Variants in RARB observed in about 807,000 individuals in gnomAD.
RARB encodes the protein HBV-activated protein.
A neutral mutation model predicts 51.9 loss-of-function variants in RARB; 17 were observed. The ratio of observed to expected loss-of-function variants is 0.33; its 90% CI spans 0.22 to 0.49. The LOEUF (loss-of-function observed/expected upper bound fraction) is 0.49. RARB is among the 20% of genes least tolerant of loss of function. The pLI is 0.99. For missense variants in RARB, 369 were observed against 550.8 expected, an observed-to-expected ratio of 0.67 and a Z score of 3.30; for synonymous variants, 215 against 195.4, an observed-to-expected ratio of 1.10 and a Z score of -0.84.
intron 5 of RARB, chr3:25,260,044 G>A: frequency 2.1e-6 from 2 of 958,714 alleles, no homozygotes; most frequent in Non-Finnish European, 2.5e-6. Flanking sequence ...CCCCCATGGT[G>A]TGAGTTCGTG....
At chr3:25,446,781 T>C (rs1252437812) in intron 1 of RARB, among the ~76,000 whole-genome samples, 2 of 113,714 alleles carry the variant, frequency 1.8e-5, no homozygotes, top group East Asian at 5.2e-4. Flanking sequence ...CCAGCCTGGG[T>C]GACAGAGCCA....
chr3:25,437,705 C>T (rs935836038), intron 1 of RARB, among the ~76,000 whole-genome samples: 4 of 152,096 alleles, frequency 2.6e-5, no homozygotes, highest in African/African-American at 7.2e-5. Flanking sequence ...GTGGAGCGGG[C>T]GTGAAGTTTT....
intron 5 of RARB, among the ~76,000 whole-genome samples, chr3:25,286,149 C>T (rs1386341874): frequency 6.4e-5 from 8 of 124,098 alleles, no homozygotes; most frequent in Admixed American, 1.0e-4. Context: ...AGTGCAGTGG[C>T]ATGATCTCAG....
chr3:25,256,757 T>C (rs920299115), intron 5 of RARB, among the ~76,000 whole-genome samples: 4 of 151,942 alleles, frequency 2.6e-5, no homozygotes, highest in African/African-American at 7.3e-5. Flanking sequence ...TGGCTACATA[T>C]AGAGTTCTTT....
At position 25,338,734 on chromosome 3, in the gene RARB, A is replaced by T. The variant is rs74532668; in HGVS notation, c.179-122459A>T. On this transcript the variant is annotated intron_variant, in intron 5 of 11. Transcript: ENST00000383772. ...CATTCACTTATCTATTTAATTTTAT[A>T]CAGGAAAGGCTGACATTCATCAGTT... 1.8e-3 allele frequency among the ~76,000 whole-genome samples: 279 copies of T among 152,318 alleles called. 3 individuals are homozygous for T. In the East Asian group the frequency reaches 0.021, roughly 12 times the overall value.
At position 25,064,163 on chromosome 3, in the gene RARB, C is replaced by T. The variant is rs530753717; in HGVS notation, c.-328+3987C>T. On this transcript the variant is annotated intron_variant, in intron 3 of 11. Transcript: ENST00000383772. ...AACCAAGATTAAAGCAAGCAAGCAT[C>T]CACTTTAGGATATGAGAACTGGAGT... Among the ~76,000 whole-genome samples, 5 of 152,130 alleles carry T rather than the reference C, an allele frequency of 3.3e-5. No individual in the cohort carries two copies. In the South Asian group the frequency reaches 1.0e-3, roughly 32 times the overall value.
At chr3:25,499,055 C>G (rs1254516479) in intron 2 of RARB, among the ~76,000 whole-genome samples, 1 of 152,142 alleles carries the variant, frequency 6.6e-6, no homozygotes, top group Non-Finnish European at 1.5e-5. Context: ...GACTTGCAAC[C>G]TTAAACAAGA....
chr3:24,943,862 A>C (rs1185727600), intron 2 of RARB, among the ~76,000 whole-genome samples: 1 of 152,184 alleles, frequency 6.6e-6, no homozygotes, highest in Non-Finnish European at 1.5e-5. Context: ...TCATTATGTC[A>C]TGGAGGCTGA....
chr3:25,446,843 A>C, intron 1 of RARB, among the ~76,000 whole-genome samples: 1 of 151,032 alleles, frequency 6.6e-6, no homozygotes, highest in African/African-American at 2.4e-5. Context: ...TAAAAAATGA[A>C]TAGGACTGTT....
At chr3:25,186,158 CAA>C (rs1190152431) in intron 5 of RARB, among the ~76,000 whole-genome samples, 1 of 151,834 alleles carries the variant, frequency 6.6e-6, no homozygotes, top group African/African-American at 2.4e-5. Context: ...GAAAAATAAA[CAA>C]AAGATTTTAT....
chr3:25,293,944 A>G (rs1436252), intron 5 of RARB, among the ~76,000 whole-genome samples: 60,847 of 151,836 alleles, frequency 0.4, 13,161 homozygotes, highest in African/African-American at 0.54. Flanking sequence ...GGTTGTCTGC[A>G]CCCTTCTCAT....
chr3:24,966,988 A>C (rs538579479), intron 2 of RARB, among the ~76,000 whole-genome samples: 1 of 152,156 alleles, frequency 6.6e-6, no homozygotes, highest in South Asian at 2.1e-4. Flanking sequence ...CACAAACCAG[A>C]TGCCCATATT....
intron 4 of RARB, among the ~76,000 whole-genome samples, chr3:25,574,375 T>C (rs1243452646): frequency 6.6e-6 from 1 of 152,216 alleles, no homozygotes; most frequent in Non-Finnish European, 1.5e-5. Context: ...ATGGAGCGCC[T>C]TGCACAGTTT....
At chr3:25,096,798 C>G (rs901184714) in intron 3 of RARB, among the ~76,000 whole-genome samples, 6 of 152,114 alleles carry the variant, frequency 3.9e-5, no homozygotes, top group African/African-American at 1.4e-4. Flanking sequence ...GAAGACTAAT[C>G]TATTCACAGA....
intron 2 of RARB, among the ~76,000 whole-genome samples, chr3:25,478,696 A>G (rs1228570153): frequency 3.3e-5 from 5 of 152,200 alleles, no homozygotes; most frequent in Non-Finnish European, 7.3e-5. Context: ...AAAAGAAGAA[A>G]TCAGAAGGCC....
chr3:25,363,089 G>A (rs1005347530), intron 5 of RARB, among the ~76,000 whole-genome samples: 41 of 152,144 alleles, frequency 2.7e-4, no homozygotes, highest in African/African-American at 9.9e-4. Flanking sequence ...TGTTTTGTAG[G>A]CAAAACGAAG....
intron 2 of RARB, among the ~76,000 whole-genome samples, chr3:24,896,719 C>G (rs11709004): frequency 0.06 from 9,183 of 152,118 alleles, 431 homozygotes; most frequent in East Asian, 0.15. Flanking sequence ...AAGAATATTG[C>G]ACTCCTCTTC....
chr3:25,455,316 G>A (rs1001213854), intron 1 of RARB, among the ~76,000 whole-genome samples: 1 of 152,162 alleles, frequency 6.6e-6, no homozygotes, highest in Non-Finnish European at 1.5e-5. Flanking sequence ...ATCAATCCAT[G>A]AGGGATTGGG....
Position 24,998,844 on chromosome 3 carries a change from A to G in RARB, c.-379-61281A>G, listed in dbSNP as rs748395282. 1.1e-4 allele frequency among the ~76,000 whole-genome samples: 17 copies of G among 152,102 alleles called. 1 individual carries two copies. The highest frequency in any genetic ancestry group is 4.1e-4 in the African/African-American group (17 of 41,434). Reference sequence around the variant, plus strand: ...TTCAAACTTGGTTGGTGCCAATTTTATAACATATTCTTAGATATTAATATT... The same window carrying G: ...TTCAAACTTGGTTGGTGCCAATTTTGTAACATATTCTTAGATATTAATATT... On this transcript the variant is annotated intron_variant, in intron 2 of 11. Coordinates refer to the RARB transcript ENST00000383772.
Sources: allele counts gnomAD v4.1 joint callset (sites outside exome capture counted in the v4.1 genomes callset), GRCh38; gene constraint gnomAD v4.1.1; transcripts MANE v1.5; gene names NCBI Gene and HGNC (gene_info 2026-07-23, HGNC 2026-07-21).